ACP6: variants seen among roughly 807,000 people sequenced by gnomAD.
The protein encoded by ACP6 is lysophosphatidic acid phosphatase type 6.
Under a neutral mutation model 48.1 loss-of-function variants are expected in ACP6, and 48 were observed. The ratio of observed to expected loss-of-function variants is 1.00; its 90% CI spans 0.79 to 1.27. The LOEUF (loss-of-function observed/expected upper bound fraction) is 1.27, where lower values mean the gene tolerates loss of function less well. ACP6 is among the 50% of genes most tolerant of loss of function. ACP6 has a pLI of 0.00. For missense variants in ACP6, 485 were observed against 529.1 expected, an observed-to-expected ratio of 0.92 and a Z score of 0.82; for synonymous variants, 172 against 204.2, an observed-to-expected ratio of 0.84 and a Z score of 1.34.
chr1:147,666,294 G>T (rs1660794927), intron 1 of ACP6, among the ~76,000 whole-genome samples: 1 of 152,162 alleles, frequency 6.6e-6, no homozygotes, highest in Non-Finnish European at 1.5e-5. Context: ...GTAATATAAT[G>T]AACATCTTTT....
At chr1:147,657,360 C>A (rs1660308583) in intron 4 of ACP6, among the ~76,000 whole-genome samples, 1 of 152,164 alleles carries the variant, frequency 6.6e-6, no homozygotes, top group Admixed American at 6.5e-5. Flanking sequence ...GGATTTTACT[C>A]CTAAAGCAAT....
chr1:147,654,373 A>G, intron 5 of ACP6, 47 bp from the exon 6 acceptor site: 1 of 1,598,274 alleles, frequency 6.3e-7, no homozygotes. Flanking sequence ...AGTGATTAAC[A>G]GTTTACAAAG....
chr1:147,659,378 C>T lies in ACP6; in HGVS notation c.479+18G>A. 1 of 1,612,196 alleles carries T rather than the reference C, an allele frequency of 6.2e-7. No homozygotes were observed. The highest frequency in any genetic ancestry group is 8.5e-7 in the Non-Finnish European group (1 of 1,179,010). On this transcript the variant is annotated intron_variant, in intron 3 of 9. Transcript: ENST00000583509. ...AAGACCTTAAATTAAGTGCAACATC[C>T]CCTTTCAAGTGACTCACAAGACCTC...
chr1:147,658,423 A>C (rs1660364055), intron 4 of ACP6, among the ~76,000 whole-genome samples: 1 of 152,184 alleles, frequency 6.6e-6, no homozygotes, highest in African/African-American at 2.4e-5. Flanking sequence ...GGGATCCATG[A>C]GGGAAAATAA....
intron 5 of ACP6, among the ~76,000 whole-genome samples, chr1:147,632,026 A>G (rs898935719): frequency 6.6e-6 from 1 of 152,008 alleles, no homozygotes; most frequent in African/African-American, 2.4e-5. Context: ...CCAGCGTGCC[A>G]AGGCCTTCTT....
chr1:147,654,879 T>C (rs1261686425), intron 5 of ACP6, among the ~76,000 whole-genome samples: 1 of 152,190 alleles, frequency 6.6e-6, no homozygotes, highest in Non-Finnish European at 1.5e-5. Context: ...GATCATACTT[T>C]GTAAATGGCA....
chr1:147,659,374 C>T lies in ACP6; in HGVS notation c.479+22G>A, dbSNP rs782476602. On this transcript the variant is annotated intron_variant, in intron 3 of 9. Transcript: ENST00000583509. The stretch of plus-strand genomic sequence containing the variant: ...GTTCAAGACCTTAAATTAAGTGCAA[C>T]ATCCCCTTTCAAGTGACTCACAAGA... 2.9e-5 allele frequency: 47 copies of T among 1,611,398 alleles called. No individual in the cohort carries two copies. The Middle Eastern group carries it at 1.3e-3, about 45-fold the overall frequency.
At position 147,643,553 on chromosome 1, in the gene ACP6, G is replaced by A. The variant is rs1413883605; in HGVS notation, c.*3870C>T. ...CGCAAATGTCTAGGAGAGCATTCCA[G>A]GCACAGGAACAACAGGTGCTCACCC... is the stretch of plus-strand genomic sequence containing the variant. On this transcript the variant is annotated 3_prime_UTR_variant, in exon 10 of 10. Transcript: ENST00000583509. The A allele has an allele frequency of 6.6e-6, 1 of 152,168 alleles. No individual in the cohort carries two copies. The highest frequency in any genetic ancestry group is 2.4e-5 in the African/African-American group (1 of 41,422). The allele number at this position is 152,168 out of a possible 1,614,324, so 9.4% of individuals were successfully genotyped here.
intron 7 of ACP6, chr1:147,651,671 C>T (rs587732128): frequency 5.9e-5 from 9 of 152,172 alleles, no homozygotes; most frequent in African/African-American, 2.2e-4. Context: ...ACACACTGAC[C>T]CTGAGTGGAA....
downstream of ACP6, among the ~76,000 whole-genome samples, chr1:147,640,141 T>A (rs1477166601): frequency 6.6e-6 from 1 of 152,004 alleles, no homozygotes; most frequent in Non-Finnish European, 1.5e-5. Context: ...TTTGCTTACA[T>A]CCCCCTCCCC....
At position 147,652,565 on chromosome 1, in the gene ACP6, G is replaced by A. The variant is rs587686572; in HGVS notation, c.781-16C>T. ...GGTTGTGTGCCTGAAAGGGCCACAT[G>A]TAGTTTTAGAAAAAAATGCTTCTTA... On this transcript the variant is annotated splice_polypyrimidine_tract_variant and intron_variant, in intron 6 of 9. Coordinates refer to ENST00000583509, the MANE Select transcript of ACP6 (RefSeq NM_016361.5). 5 of 1,614,026 alleles carry A rather than the reference G, an allele frequency of 3.1e-6. No homozygotes were observed. In the African/African-American group the frequency reaches 6.7e-5, roughly 22 times the overall value.
At chr1:147,636,686 G>T (rs1490502128) in intron 5 of ACP6, among the ~76,000 whole-genome samples, 3 of 152,222 alleles carry the variant, frequency 2.0e-5, no homozygotes, top group Non-Finnish European at 4.4e-5. Flanking sequence ...CAACATGTGT[G>T]TATGCCTAGT....
At chr1:147,658,564 G>A (rs1257979975) in intron 4 of ACP6, among the ~76,000 whole-genome samples, 1 of 152,248 alleles carries the variant, frequency 6.6e-6, no homozygotes, top group African/African-American at 2.4e-5. Context: ...TGTTCATGCT[G>A]TGGATTATCA....
chr1:147,650,932 A>G (rs1401588306), intron 7 of ACP6: 1 of 152,198 alleles, frequency 6.6e-6, no homozygotes, highest in African/African-American at 2.4e-5. Flanking sequence ...ATCAGCTTCC[A>G]TGGAGACTTC....
intron 1 of ACP6, among the ~76,000 whole-genome samples, chr1:147,664,889 G>C (rs1553213384): frequency 6.6e-6 from 1 of 152,114 alleles, no homozygotes. Context: ...TTTCATTGAG[G>C]GAATAGCATT....
rs1659742982 is a variant in ACP6 at position 147,648,403 on chromosome 1, T to C, written c.986A>G (p.Tyr329Cys). The change falls in exon 9 of 10, where the codon TAT becomes TGT. Residue 329 changes from tyrosine to cysteine, a missense_variant. Transcript: ENST00000583509. Reference protein sequence around the residue: ...ATAPDKIRKLYLYAAHDVTFI... With the variant: ...ATAPDKIRKLCLYAAHDVTFI... ...GGTCACATCATGAGCCGCATAGAGA[T>C]ACAGCTTTCTGCAAGAGGAAACAGC... 1 of 1,614,124 alleles carries C rather than the reference T, an allele frequency of 6.2e-7. No individual in the cohort carries two copies. The highest frequency in any genetic ancestry group is 1.1e-5 in the South Asian group (1 of 91,082).
At chr1:147,654,990 T>C (rs587714164) in intron 5 of ACP6, among the ~76,000 whole-genome samples, 171 bp downstream of exon 5, 1 of 152,352 alleles carries the variant, frequency 6.6e-6, no homozygotes, top group South Asian at 2.1e-4. Context: ...TGAACAAGAC[T>C]TCTTCGCTTC....
Position 147,643,118 on chromosome 1 carries a change from T to C in ACP6, c.*4305A>G, listed in dbSNP as rs1659505074. ...ATATGACCTCATTTACTTTACCTCT[T>C]AAAAGGCCCTATCTCCAAATACATT... On this transcript the variant is annotated 3_prime_UTR_variant, in exon 10 of 10. Transcript: ENST00000583509. The C allele has an allele frequency of 6.6e-6, 1 of 152,138 alleles. No individual in the cohort carries two copies. Among genetic ancestry groups the C allele is most frequent in the Non-Finnish European group, 1.5e-5 (1 of 68,018 alleles). 9.4% of individuals were successfully genotyped at this position (152,138 alleles called of 1,614,324 possible).
rs1570991358 is a variant in ACP6, at chr1:147,670,298, C to A, written c.-250G>T. On this transcript the variant is annotated 5_prime_UTR_variant, in exon 1 of 10. Transcript: ENST00000583509. The stretch of plus-strand genomic sequence containing the variant: ...AGTTTTAACCCGGGTCGGGGTTGGT[C>A]GCTCCTGCTGCACACCGGGCCGGGG... The A allele has an allele frequency of 2.3e-6, 1 of 437,786 alleles. No individual in the cohort carries two copies. Among genetic ancestry groups the A allele is most frequent in the South Asian group, 4.4e-5 (1 of 22,586 alleles). 27.1% of individuals were successfully genotyped at this position (437,786 alleles called of 1,614,324 possible).
Sources: gnomAD v4.1 joint callset for allele counts (sites outside exome capture counted in the v4.1 genomes callset) on GRCh38, gnomAD v4.1.1 for gene constraint, MANE v1.5 for transcripts, NCBI Gene and HGNC (gene_info 2026-07-23, HGNC 2026-07-21) for gene names.